ADAM32: variants seen among roughly 807,000 people sequenced by gnomAD.
ADAM32 encodes ADAM metallopeptidase domain 32.
ADAM32 carries 89 observed loss-of-function variants against 114.9 expected under a neutral mutation model. That is an observed-to-expected ratio of 0.77 (90% CI 0.65 to 0.92). ADAM32 has a LOEUF of 0.92. ADAM32 is among the 40% of genes least tolerant of loss of function. The pLI is 0.00. For missense variants in ADAM32, 870 were observed against 932.8 expected (o/e 0.93, Z 0.88); for synonymous variants, 285 against 307.5 (o/e 0.93, Z 0.77).
chr8:39,171,546 G>T (rs1332069882), intron 10 of ADAM32, among the ~76,000 whole-genome samples: 2 of 151,780 alleles, frequency 1.3e-5, no homozygotes, highest in African/African-American at 2.4e-5. Flanking sequence ...TTTTATTACT[G>T]AAATAATGAA....
chr8:39,166,192 C>T (rs966746363), intron 9 of ADAM32: 1 of 152,114 alleles, frequency 6.6e-6, no homozygotes, highest in Non-Finnish European at 1.5e-5. Context: ...TTATCCCTCG[C>T]CCCACCTCCC....
At chr8:39,269,952 C>T (rs1812607381) in intron 19 of ADAM32, among the ~76,000 whole-genome samples, 1 of 152,174 alleles carries the variant, frequency 6.6e-6, no homozygotes, top group African/African-American at 2.4e-5. Context: ...ACCTTCTTCA[C>T]AAGGCAGCAG....
chr8:39,226,263 G>A (rs1037377916), intron 14 of ADAM32, among the ~76,000 whole-genome samples: 1 of 152,034 alleles, frequency 6.6e-6, no homozygotes, highest in Non-Finnish European at 1.5e-5. Context: ...CATCAAGAAA[G>A]CTAACATTCT....
At chr8:39,228,810 C>T (rs1408505444) in intron 14 of ADAM32, among the ~76,000 whole-genome samples, 3 of 152,090 alleles carry the variant, frequency 2.0e-5, no homozygotes, top group Non-Finnish European at 2.9e-5. Context: ...CCTAGACATC[C>T]AAATACAAGA....
intron 12 of ADAM32, among the ~76,000 whole-genome samples, chr8:39,215,732 G>T (rs995083311): frequency 7.2e-5 from 11 of 151,748 alleles, no homozygotes; most frequent in Admixed American, 5.2e-4. Flanking sequence ...TTGTTTTATT[G>T]CATTGTGGTC....
At chr8:39,158,059 G>T (rs1003339565) in intron 6 of ADAM32, 1 of 251,174 alleles carries the variant, frequency 4.0e-6, no homozygotes, top group Non-Finnish European at 8.0e-6. Context: ...TTTGCCCTTG[G>T]TCACCCGTTT....
In ADAM32 at chr8:39,141,839, G is replaced by A. The variant is rs1803174886; in HGVS notation, c.200+5121G>A. 2.0e-5 allele frequency among the ~76,000 whole-genome samples: 3 copies of A among 152,054 alleles called. No individual in the cohort carries two copies. The South Asian group carries it at 6.2e-4, about 32-fold the overall frequency. ...TGTGGGAGTCTAAGTCTCTTTGTAG[G>A]TCTCTAAGGACTTGCTTTATGAATC... On this transcript the variant is annotated intron_variant, in intron 3 of 24. Transcript: ENST00000379907.
At chr8:39,133,885 T>C (rs1276996558) in intron 2 of ADAM32, among the ~76,000 whole-genome samples, 2 of 152,326 alleles carry the variant, frequency 1.3e-5, no homozygotes, top group East Asian at 3.9e-4. Context: ...TGAAGGCCCA[T>C]GCAACTGTGC....
chr8:39,276,121 T>C (rs2129451542), intron 22 of ADAM32: 1 of 372,310 alleles, frequency 2.7e-6, no homozygotes, highest in Non-Finnish European at 4.8e-6. Context: ...GAAAACATTT[T>C]TGGTGAAATG....
chr8:39,142,217 T>A (rs1433331311), intron 3 of ADAM32, among the ~76,000 whole-genome samples: 1 of 152,224 alleles, frequency 6.6e-6, no homozygotes, highest in Non-Finnish European at 1.5e-5. Context: ...TGGTTAATAT[T>A]GTTATGTGTG....
intron 12 of ADAM32, among the ~76,000 whole-genome samples, chr8:39,219,078 G>A (rs1043110716): frequency 3.3e-5 from 5 of 152,132 alleles, no homozygotes; most frequent in Non-Finnish European, 7.4e-5. Context: ...CTGGAATGGG[G>A]ACTTCACCAC....
chr8:39,152,358 G>GT (rs1246964244), intron 6 of ADAM32, among the ~76,000 whole-genome samples: 1 of 152,156 alleles, frequency 6.6e-6, no homozygotes, highest in Non-Finnish European at 1.5e-5. Context: ...ACTATGCATA[G>GT]TTTATACAAG....
chr8:39,259,460 C>G (rs1811878822), intron 19 of ADAM32, among the ~76,000 whole-genome samples: 1 of 151,644 alleles, frequency 6.6e-6, no homozygotes, highest in Non-Finnish European at 1.5e-5. Context: ...TTCTTTAACT[C>G]TGGACATTTT....
chr8:39,211,195 A>T lies in ADAM32; in HGVS notation c.1104A>T (p.Gln368His), dbSNP rs1808186054. The change falls in exon 12 of 25, where the codon CAA (glutamine) becomes CAT (histidine). Residue 368 changes from glutamine (Q) to histidine (H), a missense_variant. Transcript: ENST00000379907. ...TFSSCSLRSFQNFISNVGVKC... is the reference protein window; with the variant it reads ...TFSSCSLRSFHNFISNVGVKC... Reference sequence around the variant, plus strand: ...GCAGTTGCAGTTTGAGGAGCTTTCAAAATTTCATTTCAAATGTGGGTGTCA... The same window carrying T: ...GCAGTTGCAGTTTGAGGAGCTTTCATAATTTCATTTCAAATGTGGGTGTCA... The T allele has an allele frequency of 2.5e-6, 4 of 1,606,186 alleles. No individual in the cohort carries two copies. The highest frequency in any genetic ancestry group is 1.7e-6 in the Non-Finnish European group (2 of 1,177,010).
At chr8:39,265,530 G>C (rs1812297696) in intron 19 of ADAM32, among the ~76,000 whole-genome samples, 1 of 152,166 alleles carries the variant, frequency 6.6e-6, no homozygotes, top group Non-Finnish European at 1.5e-5. Flanking sequence ...ATTTGATCCT[G>C]TCATCATGTG....
chr8:39,204,044 T>TC (rs1479117677), intron 11 of ADAM32, among the ~76,000 whole-genome samples: 1 of 152,208 alleles, frequency 6.6e-6, no homozygotes, highest in Non-Finnish European at 1.5e-5. Context: ...ACCGGACCCG[T>TC]CTCTCTGGCT....
chr8:39,234,088 T>A lies in ADAM32; in HGVS notation c.1818+6T>A. ...CTCAGTGTGATATTGGGAGGGTAAA[T>A]AATTTAAAATCTATTTAAAAAATAT... On this transcript the variant is annotated splice_donor_region_variant and intron_variant, in intron 16 of 24. Coordinates refer to ENST00000379907, the MANE Select transcript of ADAM32 (RefSeq NM_145004.7). 1 of 1,338,002 alleles carries A rather than the reference T, an allele frequency of 7.5e-7. No homozygotes were observed. Among genetic ancestry groups the A allele is most frequent in the Non-Finnish European group, 9.7e-7 (1 of 1,032,558 alleles). 82.9% of individuals were successfully genotyped at this position (1,338,002 alleles called of 1,614,324 possible).
In ADAM32 at chr8:39,251,214, G is replaced by A. The variant is rs1022632246; in HGVS notation, c.1903-3200G>A. 2.6e-5 allele frequency among the ~76,000 whole-genome samples: 4 copies of A among 151,960 alleles called. No homozygotes were observed. The East Asian group carries it at 7.7e-4, about 29-fold the overall frequency. ...AGTAGTAGAATTGCTGGGTCATATAGTAGTTCTATTTTTAGTTTTTTTGAG... is the reference window on the plus strand; with the variant it reads ...AGTAGTAGAATTGCTGGGTCATATAATAGTTCTATTTTTAGTTTTTTTGAG... On this transcript the variant is annotated intron_variant, in intron 17 of 24. Transcript: ENST00000379907.
At chr8:39,161,669 C>T (rs960763566) in intron 7 of ADAM32, among the ~76,000 whole-genome samples, 18 of 152,230 alleles carry the variant, frequency 1.2e-4, no homozygotes, top group Non-Finnish European at 2.4e-4. Flanking sequence ...AATACCACAG[C>T]GGGTATGACT....
Sources: gnomAD v4.1 joint callset for allele counts (sites outside exome capture counted in the v4.1 genomes callset) on GRCh38, gnomAD v4.1.1 for gene constraint, MANE v1.5 for transcripts, NCBI Gene and HGNC (gene_info 2026-07-23, HGNC 2026-07-21) for gene names.